The following CNGA3 variants were observed in gnomAD, a reference collection of about 807,000 sequenced individuals.
The protein encoded by CNGA3 is cyclic nucleotide gated channel subunit alpha 3.
CNGA3 carries 42 observed loss-of-function variants against 46.6 expected under a neutral mutation model. The observed-to-expected ratio is 0.90, with a 90% CI of 0.70 to 1.17. The LOEUF is 1.17. Among genes scored for constraint, CNGA3 ranks in the 50% most tolerant of loss-of-function variants. The pLI is 0.00. For missense variants in CNGA3, 893 were observed against 890.7 expected, an observed-to-expected ratio of 1.00 and a Z score of -0.03; for synonymous variants, 394 against 369.4, an observed-to-expected ratio of 1.07 and a Z score of -0.76.
chr2:98,384,101 G>A (rs1438530012), intron 5 of CNGA3, among the ~76,000 whole-genome samples: 1 of 152,092 alleles, frequency 6.6e-6, no homozygotes, highest in Non-Finnish European at 1.5e-5. Context: ...GTGTTAGCCA[G>A]GATGGTCTCG....
In CNGA3 at chr2:98,395,770, AAT is replaced by A; in HGVS notation, c.674-71_674-70del. The A allele has an allele frequency of 3.9e-6, 5 of 1,276,082 alleles. No homozygotes were observed. The South Asian group carries it at 6.0e-5, about 15-fold the overall frequency. 79.0% of individuals were successfully genotyped at this position (1,276,082 alleles called of 1,614,324 possible). On this transcript the variant is annotated intron_variant, in intron 7 of 7. Coordinates refer to ENST00000272602, the MANE Select transcript of CNGA3 (RefSeq NM_001298.3). ...TGCATACTGTGTAGCCGTGAGGTAAAATATGTTTCTTTGTACTATGGTCAAAA... is the reference window on the plus strand; with the variant it reads ...TGCATACTGTGTAGCCGTGAGGTAAAATGTTTCTTTGTACTATGGTCAAAA...
intron 1 of CNGA3, among the ~76,000 whole-genome samples, chr2:98,348,762 G>A (rs906496775): frequency 9.9e-5 from 15 of 152,194 alleles, no homozygotes; most frequent in African/African-American, 3.4e-4. Flanking sequence ...TCAGTCTGGT[G>A]GGAGAAACAA....
In CNGA3 at chr2:98,380,176, C is replaced by T. The variant is rs759589628; in HGVS notation, c.217C>T (p.Leu73=). ...GSFTGQGIAR[L]SRLIFLLRRW... ...CTCAGTGCTTGTGTCACCTTCCAGG[C>T]TGTCGCGCCTCATCTTCTTGCTGCG... The change falls in exon 4 of 8, where the codon CTG becomes TTG. Residue 73 remains leucine, a splice_region_variant and synonymous_variant. Transcript: ENST00000272602. 3.7e-6 allele frequency: 6 copies of T among 1,614,100 alleles called. No individual in the cohort carries two copies. Among genetic ancestry groups the T allele is most frequent in the South Asian group, 2.2e-5 (2 of 91,080 alleles).
At chr2:98,349,526 T>C (rs187459941) in intron 1 of CNGA3, among the ~76,000 whole-genome samples, 3 of 152,322 alleles carry the variant, frequency 2.0e-5, no homozygotes, top group East Asian at 1.9e-4. Context: ...TCTATACTCA[T>C]TGAGCACCTC....
At chr2:98,350,134 G>A (rs76925896) in intron 1 of CNGA3, among the ~76,000 whole-genome samples, 6,705 of 152,182 alleles carry the variant, frequency 0.044, 182 homozygotes, top group South Asian at 0.064. Flanking sequence ...AAGTTAAACC[G>A]GCTTCTGCCC....
In CNGA3 at chr2:98,396,255, C is replaced by T. The variant is rs1574390811; in HGVS notation, c.1085C>T (p.Thr362Ile). ...TACAGTCTCTACTGGTCCACCTTGACCCTTACCACCATTGGTGAGACCCCA... is the reference window on the plus strand; with the variant it reads ...TACAGTCTCTACTGGTCCACCTTGATCCTTACCACCATTGGTGAGACCCCA... ...YIYSLYWSTL[T>I]LTTIGETPPP... The change falls in exon 8 of 8, where the codon ACC (threonine) becomes ATC (isoleucine). Residue 362 changes from threonine (T) to isoleucine (I), a missense_variant. Coordinates refer to ENST00000272602, the MANE Select transcript of CNGA3 (RefSeq NM_001298.3). The T allele has an allele frequency of 3.1e-6, 5 of 1,613,434 alleles. No homozygotes were observed. In the Middle Eastern group the frequency reaches 4.9e-4, roughly 160 times the overall value.
chr2:98,383,359 C>A lies in CNGA3; in HGVS notation c.396-29C>A, dbSNP rs112874852. On this transcript the variant is annotated intron_variant, in intron 4 of 7. Coordinates refer to ENST00000272602, the MANE Select transcript of CNGA3 (RefSeq NM_001298.3). ...CCAAGGAATGGAAACAGAGTTCAGACCCTTGATGTTCTCTCTACCTTCCCG... is the reference window on the plus strand; with the variant it reads ...CCAAGGAATGGAAACAGAGTTCAGAACCTTGATGTTCTCTCTACCTTCCCG... 22 of 1,610,984 alleles carry A rather than the reference C, an allele frequency of 1.4e-5. No homozygotes were observed. In the African/African-American group the frequency reaches 2.3e-4, roughly 17 times the overall value.
At chr2:98,361,999 G>A (rs1045128024) in intron 1 of CNGA3, among the ~76,000 whole-genome samples, 7 of 149,416 alleles carry the variant, frequency 4.7e-5, no homozygotes, top group South Asian at 2.1e-4. Flanking sequence ...GAGCCACCGC[G>A]CCCGGCCTTC....
chr2:98,350,278 T>C (rs181315395), intron 1 of CNGA3, among the ~76,000 whole-genome samples: 172 of 152,336 alleles, frequency 1.1e-3, no homozygotes, highest in African/African-American at 3.9e-3. Context: ...TTAAATGAAG[T>C]AATTGAAATG....
intron 1 of CNGA3, among the ~76,000 whole-genome samples, chr2:98,359,662 C>A (rs1691977881): frequency 6.6e-6 from 1 of 152,188 alleles, no homozygotes; most frequent in Non-Finnish European, 1.5e-5. Flanking sequence ...CCCCTTCTGT[C>A]CCCAGCCCTA....
chr2:98,376,094 G>A lies in CNGA3; in HGVS notation c.102-1593G>A, dbSNP rs184785840. On this transcript the variant is annotated intron_variant, in intron 2 of 7. Transcript: ENST00000272602. The stretch of plus-strand genomic sequence containing the variant: ...AAACATCGAGTTACTCAGATCAGTG[G>A]GAAGGTCCAATACTTAATTCCAAAA... 1.6e-4 allele frequency among the ~76,000 whole-genome samples: 25 copies of A among 152,092 alleles called. No individual in the cohort carries two copies. The East Asian group carries it at 4.6e-3, about 28-fold the overall frequency.
At chr2:98,380,029 CG>C in intron 3 of CNGA3, 145 bp from the exon 4 acceptor site, 1 of 937,962 alleles carries the variant, frequency 1.1e-6, no homozygotes, top group Middle Eastern at 3.1e-4. Context: ...CCCCAGCACC[CG>C]TACCCTGCTG....
chr2:98,392,354 G>T (rs1558818256), intron 7 of CNGA3, among the ~76,000 whole-genome samples: 1 of 152,168 alleles, frequency 6.6e-6, no homozygotes, highest in Non-Finnish European at 1.5e-5. Flanking sequence ...GAGGTCAGGA[G>T]TTCGAGACCA....
At chr2:98,381,176 G>C (rs939487526) in intron 4 of CNGA3, among the ~76,000 whole-genome samples, 30 of 152,082 alleles carry the variant, frequency 2.0e-4, no homozygotes, top group African/African-American at 5.6e-4. Flanking sequence ...AGCAGTAGAG[G>C]GTCTCTTTAG....
intron 1 of CNGA3, among the ~76,000 whole-genome samples, chr2:98,359,228 G>A (rs1445011637): frequency 6.6e-6 from 1 of 152,200 alleles, no homozygotes; most frequent in Admixed American, 6.5e-5. Context: ...TGCTTCTATT[G>A]GTCCAGGGTT....
At chr2:98,377,023 C>A (rs1169077277) in intron 2 of CNGA3, among the ~76,000 whole-genome samples, 3 of 152,172 alleles carry the variant, frequency 2.0e-5, no homozygotes, top group Non-Finnish European at 2.9e-5. Context: ...CTCTGCCTTG[C>A]AGGAGAGAGA....
At chr2:98,378,439 T>C (rs760300888) in intron 3 of CNGA3, among the ~76,000 whole-genome samples, 15 of 152,232 alleles carry the variant, frequency 9.9e-5, no homozygotes, top group Non-Finnish European at 1.8e-4. Flanking sequence ...CGGCAGGTGC[T>C]CAACAAACAC....
chr2:98,347,906 G>T (rs1271485349), intron 1 of CNGA3, among the ~76,000 whole-genome samples: 1 of 152,326 alleles, frequency 6.6e-6, no homozygotes. Flanking sequence ...AGTGCTGTCT[G>T]GGCACGGAGT....
At chr2:98,380,056 G>C in intron 3 of CNGA3, 119 bp from the exon 4 acceptor site, 1 of 1,205,146 alleles carries the variant, frequency 8.3e-7, no homozygotes, top group South Asian at 1.3e-5. Context: ...CATTGCTTCT[G>C]CCCCATCCCT....
Sources: allele counts gnomAD v4.1 joint callset (sites outside exome capture counted in the v4.1 genomes callset), GRCh38; gene constraint gnomAD v4.1.1; transcripts MANE v1.5; gene names NCBI Gene and HGNC (gene_info 2026-07-23, HGNC 2026-07-21).